The following ARHGAP10 variants were observed in gnomAD, a reference collection of about 807,000 sequenced individuals.
The protein encoded by ARHGAP10 is rho GTPase-activating protein 10.
Under a neutral mutation model 108.6 loss-of-function variants are expected in ARHGAP10, and 87 were observed. The ratio of observed to expected loss-of-function variants is 0.80; its 90% confidence interval spans 0.67 to 0.96. ARHGAP10 has a LOEUF of 0.96. Among genes scored for constraint, ARHGAP10 ranks in the 40% least tolerant of loss-of-function variants. The pLI, the probability that ARHGAP10 is intolerant of heterozygous loss-of-function variation, is 0.00. For missense variants in ARHGAP10, 939 were observed against 954.5 expected (o/e 0.98, Z 0.21); for synonymous variants, 347 against 341.1 (o/e 1.02, Z -0.19).
intron 13 of ARHGAP10, among the ~76,000 whole-genome samples, chr4:147,932,195 C>A (rs574995811): frequency 6.6e-6 from 1 of 152,192 alleles, no homozygotes; most frequent in Admixed American, 6.5e-5. Flanking sequence ...GAAAAAGGAA[C>A]ACACTATCGG....
At chr4:147,848,340 T>C (rs769889428) in intron 4 of ARHGAP10, among the ~76,000 whole-genome samples, 31 of 152,252 alleles carry the variant, frequency 2.0e-4, no homozygotes, top group Non-Finnish European at 3.2e-4. Context: ...TGGGAGATCA[T>C]TGGGGGCACC....
intron 1 of ARHGAP10, among the ~76,000 whole-genome samples, chr4:147,813,815 C>CA (rs1732126742): frequency 6.6e-6 from 1 of 152,190 alleles, no homozygotes. Context: ...AAGGTCCTAA[C>CA]TTAACAGCAG....
At chr4:147,922,565 G>A (rs1737289974) in intron 13 of ARHGAP10, among the ~76,000 whole-genome samples, 1 of 149,732 alleles carries the variant, frequency 6.7e-6, no homozygotes, top group Non-Finnish European at 1.5e-5. Flanking sequence ...GCGGGCGCCT[G>A]TAGTCCTAGC....
chr4:148,068,454 G>A (rs1335769425), intron 22 of ARHGAP10, among the ~76,000 whole-genome samples: 1 of 152,298 alleles, frequency 6.6e-6, no homozygotes, highest in Admixed American at 6.5e-5. Flanking sequence ...ACAGCCCAGC[G>A]ATGTGGTTGC....
At chr4:147,954,130 G>A (rs1738706140) in intron 15 of ARHGAP10, among the ~76,000 whole-genome samples, 1 of 151,926 alleles carries the variant, frequency 6.6e-6, no homozygotes, top group African/African-American at 2.4e-5. Flanking sequence ...GTTAATCTTG[G>A]AAAATAAATG....
chr4:148,006,383 C>T (rs538341295), intron 18 of ARHGAP10, among the ~76,000 whole-genome samples: 5 of 152,338 alleles, frequency 3.3e-5, no homozygotes, highest in African/African-American at 9.6e-5. Context: ...ATGGTGGGAA[C>T]GTCAAATATA....
At chr4:147,780,250 G>C (rs1352885459) in intron 1 of ARHGAP10, among the ~76,000 whole-genome samples, 1 of 152,104 alleles carries the variant, frequency 6.6e-6, no homozygotes, top group Non-Finnish European at 1.5e-5. Flanking sequence ...AGCAGAGCTG[G>C]TCCCGTGTCT....
At chr4:147,991,908 T>C (rs1578767401) in intron 18 of ARHGAP10, among the ~76,000 whole-genome samples, 2 of 152,348 alleles carry the variant, frequency 1.3e-5, no homozygotes. Flanking sequence ...TAAAGATTCA[T>C]AGCCTTTCCT....
intron 15 of ARHGAP10, 53 bp downstream of exon 15, chr4:147,946,757 A>G (rs1050242021): frequency 1.5e-6 from 2 of 1,351,766 alleles, no homozygotes; most frequent in South Asian, 1.5e-5. Context: ...GATCTGTAAC[A>G]TAAAACAGAT....
intron 18 of ARHGAP10, among the ~76,000 whole-genome samples, chr4:148,000,723 G>A (rs181774809): frequency 7.9e-5 from 12 of 152,238 alleles, no homozygotes; most frequent in South Asian, 2.1e-4. Context: ...CATAAATGTC[G>A]TCTTTTGAGA....
intron 18 of ARHGAP10, among the ~76,000 whole-genome samples, chr4:147,977,178 A>T (rs1739627699): frequency 6.6e-6 from 1 of 152,220 alleles, no homozygotes; most frequent in African/African-American, 2.4e-5. Context: ...AAAAATGATG[A>T]TGAAGAATAT....
chr4:148,061,800 G>A (rs987273690), intron 20 of ARHGAP10, among the ~76,000 whole-genome samples: 4 of 152,138 alleles, frequency 2.6e-5, no homozygotes, highest in African/African-American at 7.2e-5. Flanking sequence ...GCCTGGCTTC[G>A]TGAGATCTGG....
At chr4:147,800,925 C>T (rs1731555813) in intron 1 of ARHGAP10, among the ~76,000 whole-genome samples, 1 of 152,180 alleles carries the variant, frequency 6.6e-6, no homozygotes, top group South Asian at 2.1e-4. Context: ...GATTCTTGTG[C>T]CTCCCAAGTA....
At chr4:147,965,638 C>T (rs905113655) in intron 17 of ARHGAP10, among the ~76,000 whole-genome samples, 4 of 152,130 alleles carry the variant, frequency 2.6e-5, no homozygotes, top group Admixed American at 6.5e-5. Context: ...AGCTGAAGAA[C>T]GCTATATTTT....
intron 13 of ARHGAP10, among the ~76,000 whole-genome samples, chr4:147,931,119 A>T (rs537723763): frequency 5.1e-4 from 77 of 152,278 alleles, no homozygotes; most frequent in Admixed American, 8.5e-4. Context: ...GATGTGGGTG[A>T]TGTGAGTAGT....
intron 3 of ARHGAP10, among the ~76,000 whole-genome samples, chr4:147,829,496 T>C: frequency 6.6e-6 from 1 of 152,184 alleles, no homozygotes; most frequent in African/African-American, 2.4e-5. Flanking sequence ...GCCAGGACAG[T>C]GTTTTTGAGT....
At chr4:147,857,363 TCTATC>T (rs1485377837) in intron 4 of ARHGAP10, among the ~76,000 whole-genome samples, 185 bp from the exon 5 acceptor site, 1 of 152,222 alleles carries the variant, frequency 6.6e-6, no homozygotes, top group Non-Finnish European at 1.5e-5. Context: ...AAGTGTCTCT[TCTATC>T]CTAATGCTGT....
chr4:147,809,621 C>T (rs988810433), intron 1 of ARHGAP10, among the ~76,000 whole-genome samples: 3 of 152,172 alleles, frequency 2.0e-5, no homozygotes, highest in African/African-American at 7.2e-5. Flanking sequence ...TGACTTCAGA[C>T]CCACATTCTC....
rs1338359419 is a variant in ARHGAP10 at position 147,879,266 on chromosome 4, C to G, written c.867C>G (p.His289Gln). ...CGTTTGGTTCCAGTTGGGTCAAACA[C>G]TATTGCATGTATCGAAAAGCAGCAA... ...PAPFGSSWVKHYCMYRKAAKK... is the reference protein window; with the variant it reads ...PAPFGSSWVKQYCMYRKAAKK... The change falls in exon 9 of 23, where the codon CAC becomes CAG. Residue 289 changes from histidine (H) to glutamine (Q), a missense_variant. By Grantham distance (24) the His-to-Gln change is conservative (BLOSUM62 0). Transcript: ENST00000336498. 6.2e-7 allele frequency: 1 copy of G among 1,614,026 alleles called. No individual in the cohort carries two copies. Among genetic ancestry groups the G allele is most frequent in the South Asian group, 1.1e-5 (1 of 91,072 alleles).
Sources: allele counts gnomAD v4.1 joint callset (sites outside exome capture counted in the v4.1 genomes callset), GRCh38; gene constraint gnomAD v4.1.1; transcripts MANE v1.5; gene names NCBI Gene and HGNC (gene_info 2026-07-23, HGNC 2026-07-21).